The following TAF1 variants were observed in gnomAD, a reference collection of about 807,000 sequenced individuals.
TAF1 encodes transcription initiation factor TFIID subunit 1.
TAF1 carries 2 observed loss-of-function variants against 138.5 expected under a neutral mutation model. The ratio of observed to expected loss-of-function variants is 0.01; its 90% CI spans 0.01 to 0.05. The LOEUF (loss-of-function observed/expected upper bound fraction) is 0.05. Among genes scored for constraint, TAF1 ranks in the 10% least tolerant of loss-of-function variants. The pLI, the probability that TAF1 is intolerant of heterozygous loss-of-function variation, is 1.00. For missense variants in TAF1, 709 were observed against 1,478.0 expected (o/e 0.48, Z 8.53); for synonymous variants, 437 against 503.2 (o/e 0.87, Z 1.76).
intron 28 of TAF1, among the ~76,000 whole-genome samples, chrX:71,416,398 A>G (rs1345714311): frequency 9.2e-6 from 1 of 108,400 alleles, no homozygotes; most frequent in Non-Finnish European, 1.9e-5. Flanking sequence ...AAAGAAAAAA[A>G]AAGAAGAAGA....
At chrX:71,471,646 C>G (rs1321438608) in intron 13 of TAF1, among the ~76,000 whole-genome samples, 1 of 109,678 alleles carries the variant, frequency 9.1e-6, no homozygotes, top group Non-Finnish European at 1.9e-5. Context: ...AAGGCACAAA[C>G]AAAGCAAGGA....
chrX:71,483,818 CATT>C (rs938480135), intron 13 of TAF1, among the ~76,000 whole-genome samples: 8 of 90,441 alleles, frequency 8.8e-5, no homozygotes, highest in South Asian at 5.6e-4. Context: ...ACACATCCCT[CATT>C]ATTTTTTTTC....
intron 13 of TAF1, among the ~76,000 whole-genome samples, chrX:71,497,447 G>T (rs946256613): frequency 9.0e-5 from 10 of 111,478 alleles, no homozygotes; most frequent in Non-Finnish European, 1.3e-4. Context: ...TACATCATGA[G>T]TAATCCAGAT....
chrX:71,394,242 C>G lies in TAF1; in HGVS notation c.3403C>G (p.Leu1135Val). 1 of 1,201,828 alleles carries G rather than the reference C, an allele frequency of 8.3e-7. No individual in the cohort carries two copies. Among genetic ancestry groups the G allele is most frequent in the South Asian group, 1.8e-5 (1 of 55,004 alleles). The change falls in exon 22 of 38, where the codon CTG (leucine) becomes GTG (valine). Residue 1135 changes from leucine (L) to valine (V), a missense_variant. Coordinates refer to ENST00000423759, the MANE Select transcript of TAF1 (RefSeq NM_004606.5). ...QERKELQRML[L>V]AAGSAASGNN... ...GCGGAAGGAACTACAGCGAATGCTA[C>G]TGGGTGAGGATCTTGGCTTCACAGA...
intron 14 of TAF1, among the ~76,000 whole-genome samples, chrX:71,385,705 G>A (rs2034174079): frequency 9.0e-6 from 1 of 111,412 alleles, no homozygotes; most frequent in Non-Finnish European, 1.9e-5. Flanking sequence ...TAAAGCATCT[G>A]CAAAGCTCAG....
At chrX:71,375,358 A>T in intron 4 of TAF1, 72 bp downstream of exon 4, 3 of 1,130,170 alleles carry the variant, frequency 2.7e-6, no homozygotes, top group Non-Finnish European at 3.5e-6. Flanking sequence ...TGGCACACAC[A>T]TAAGGGACAA....
intron 30 of TAF1, 62 bp from the exon 31 acceptor site, chrX:71,423,912 G>A: frequency 1.1e-6 from 1 of 900,799 alleles, no homozygotes; most frequent in South Asian, 2.3e-5. Context: ...CCCAACAAAG[G>A]TGGTGAAATT....
chrX:71,514,434 G>A (rs1268295508), intron 13 of TAF1, among the ~76,000 whole-genome samples: 1 of 102,305 alleles, frequency 9.8e-6, no homozygotes, highest in African/African-American at 3.6e-5. Context: ...AAGGACTAGA[G>A]GAGTCCATAA....
chrX:71,508,086 CTATA>C (rs1556033075), intron 13 of TAF1, among the ~76,000 whole-genome samples: 58 of 92,164 alleles, frequency 6.3e-4, no homozygotes, highest in East Asian at 2.1e-3. Flanking sequence ...CTCTCTCTCT[CTATA>C]TATATATATA....
At chrX:71,447,092 G>A (rs185636137) in intron 32 of TAF1, among the ~76,000 whole-genome samples, 1 of 111,345 alleles carries the variant, frequency 9.0e-6, no homozygotes, top group Admixed American at 9.6e-5. Context: ...TAGGAATTTA[G>A]TATGCAGATT....
At chrX:71,396,714 T>A (rs1461801839) in intron 22 of TAF1, among the ~76,000 whole-genome samples, 1 of 111,667 alleles carries the variant, frequency 9.0e-6, no homozygotes, top group Non-Finnish European at 1.9e-5. Context: ...CTTTGAGGTT[T>A]TTTCAGAACT....
intron 32 of TAF1, among the ~76,000 whole-genome samples, chrX:71,435,606 A>G (rs1174635666): frequency 9.0e-6 from 1 of 111,680 alleles, no homozygotes; most frequent in African/African-American, 3.3e-5. Flanking sequence ...ACAATCTTAT[A>G]CTACTAGTTG....
intron 13 of TAF1, among the ~76,000 whole-genome samples, chrX:71,504,909 C>A (rs1173087574): frequency 9.2e-6 from 1 of 108,834 alleles, no homozygotes; most frequent in Non-Finnish European, 1.9e-5. Flanking sequence ...ACAGGTGGAT[C>A]GCTTGAGCTC....
intron 30 of TAF1, 49 bp from the exon 31 acceptor site, chrX:71,423,925 C>A: frequency 9.9e-7 from 1 of 1,010,574 alleles, no homozygotes; most frequent in South Asian, 2.1e-5. Context: ...GTGAAATTCT[C>A]GTATGAAGAG....
chrX:71,448,888 G>A (rs1023103325), intron 32 of TAF1, among the ~76,000 whole-genome samples: 4 of 106,339 alleles, frequency 3.8e-5, no homozygotes, highest in African/African-American at 1.4e-4. Flanking sequence ...GTGTGATCTC[G>A]GCTCACCACA....
chrX:71,527,213 C>G (rs942013234), intron 13 of TAF1, among the ~76,000 whole-genome samples: 4 of 108,408 alleles, frequency 3.7e-5, no homozygotes, highest in Non-Finnish European at 7.7e-5. Context: ...TAGCGAAACC[C>G]CGTCTCTACT....
intron 32 of TAF1, among the ~76,000 whole-genome samples, chrX:71,448,820 CTTTTTTT>C: frequency 1.1e-5 from 1 of 92,425 alleles, no homozygotes; most frequent in African/African-American, 4.1e-5. Context: ...TTTTCTTTTT[CTTTTTTT>C]TTTTTTTTGA....
At chrX:71,371,657 G>A (rs1193543890) in intron 3 of TAF1, among the ~76,000 whole-genome samples, 1 of 111,768 alleles carries the variant, frequency 8.9e-6, no homozygotes, top group Non-Finnish European at 1.9e-5. Flanking sequence ...AACATAGACT[G>A]TTGAGTGAGA....
At chrX:71,413,455 T>C (rs1055061773) in intron 28 of TAF1, among the ~76,000 whole-genome samples, 1 of 112,336 alleles carries the variant, frequency 8.9e-6, no homozygotes, top group Non-Finnish European at 1.9e-5. Flanking sequence ...CTGAAAATTT[T>C]TGCATATGGT....
Sources: gnomAD v4.1 joint callset for allele counts (sites outside exome capture counted in the v4.1 genomes callset) on GRCh38, gnomAD v4.1.1 for gene constraint, MANE v1.5 for transcripts, NCBI Gene and HGNC (gene_info 2026-07-23, HGNC 2026-07-21) for gene names.